Variants in ACVR1C observed in about 807,000 individuals in gnomAD.
The protein encoded by ACVR1C is activin A receptor type 1C, also known as activin receptor type-1C.
Under a neutral mutation model 57.9 loss-of-function variants are expected in ACVR1C, and 23 were observed. That is an observed-to-expected ratio of 0.40 (90% confidence interval 0.29 to 0.56). ACVR1C has a LOEUF of 0.56. ACVR1C is among the 20% of genes least tolerant of loss of function. The probability of loss-of-function intolerance (pLI) is 0.50; values close to 1 mark genes in which losing one functional copy is unlikely to be tolerated. For missense variants in ACVR1C, 480 were observed against 607.9 expected, an observed-to-expected ratio of 0.79 and a Z score of 2.21; for synonymous variants, 214 against 215.3, an observed-to-expected ratio of 0.99 and a Z score of 0.05.
At chr2:157,574,056 C>G (rs905782709) in intron 2 of ACVR1C, among the ~76,000 whole-genome samples, 1 of 152,178 alleles carries the variant, frequency 6.6e-6, no homozygotes, top group Non-Finnish European at 1.5e-5. Context: ...TATTCAGCTT[C>G]GGCCAACTGA....
intron 3 of ACVR1C, among the ~76,000 whole-genome samples, chr2:157,554,255 GAAAGAAAGAAAGA>G (rs1558975043): frequency 1.5e-4 from 18 of 123,766 alleles, no homozygotes; most frequent in Admixed American, 5.7e-4. Flanking sequence ...AAGAAAGAAA[GAAAGAAAGAAAGA>G]AAGGAAGGAA....
chr2:157,556,194 C>A lies in ACVR1C; in HGVS notation c.443G>T (p.Arg148Ile), dbSNP rs766563446. ...GRQCSYRKKK[R>I]PNVEEPLSEC... ...AGAGAGTGGTTCCTCCACATTTGGT[C>A]TCTTTTTCTTCCTGTAGGAGCACTG... The change falls in exon 3 of 9, where the codon AGA becomes ATA. Residue 148 changes from arginine (R) to isoleucine (I), a missense_variant. Transcript: ENST00000243349. 1.2e-6 allele frequency: 2 copies of A among 1,613,958 alleles called. No individual in the cohort carries two copies. Among genetic ancestry groups the A allele is most frequent in the Admixed American group, 1.7e-5 (1 of 59,980 alleles).
At chr2:157,547,650 C>T (rs1293859933) in intron 4 of ACVR1C, among the ~76,000 whole-genome samples, 3 of 137,628 alleles carry the variant, frequency 2.2e-5, no homozygotes, top group Non-Finnish European at 4.7e-5. Context: ...CCTTTGCCCA[C>T]TTTTTGATGG....
chr2:157,596,216 G>C (rs1682105615), intron 1 of ACVR1C, among the ~76,000 whole-genome samples: 1 of 152,004 alleles, frequency 6.6e-6, no homozygotes, highest in African/African-American at 2.4e-5. Flanking sequence ...ATATAGAATA[G>C]AACAGAATAG....
intron 2 of ACVR1C, among the ~76,000 whole-genome samples, chr2:157,565,083 C>G (rs938369186): frequency 2.0e-5 from 3 of 152,016 alleles, no homozygotes; most frequent in African/African-American, 7.3e-5. Flanking sequence ...ATGTAACAAA[C>G]CTGCCCGTTC....
chr2:157,569,494 G>A (rs1688473061), intron 2 of ACVR1C, among the ~76,000 whole-genome samples: 1 of 95,036 alleles, frequency 1.1e-5, no homozygotes, highest in Admixed American at 1.1e-4. Context: ...AAAGAGAGAA[G>A]AATCAAATAG....
intron 2 of ACVR1C, among the ~76,000 whole-genome samples, chr2:157,562,459 AAAAATAAAAT>A (rs145869067): frequency 0.031 from 3,308 of 108,150 alleles, 106 homozygotes; most frequent in African/African-American, 0.077. Flanking sequence ...TACCAACCAA[AAAAATAAAAT>A]AAAATAAAAT....
intron 2 of ACVR1C, among the ~76,000 whole-genome samples, chr2:157,564,253 T>C (rs185703122): frequency 1.2e-3 from 177 of 152,244 alleles, no homozygotes; most frequent in African/African-American, 4.1e-3. Flanking sequence ...TACAAGGAAC[T>C]TAAACAAGTT....
Position 157,542,772 on chromosome 2 carries a change from G to A in ACVR1C, c.1034C>T (p.Ala345Val). The A allele has an allele frequency of 6.2e-7, 1 of 1,614,094 alleles. No individual in the cohort carries two copies. The highest frequency in any genetic ancestry group is 8.5e-7 in the Non-Finnish European group (1 of 1,179,980). ...ETCAIADLGL[A>V]VKHDSILNTI... ...GTTCAGTATTGAATCATGCTTCACA[G>A]CCAACCCTAAGTCCGCTATGGCACA... Residue 345 changes from alanine to valine, a missense_variant, in exon 6 of 9, where the codon GCT (alanine) becomes GTT (valine). By Grantham distance (64) the Ala-to-Val change is moderately conservative. Transcript: ENST00000243349.
intron 2 of ACVR1C, among the ~76,000 whole-genome samples, chr2:157,559,104 G>C (rs1010506419): frequency 2.0e-5 from 3 of 152,164 alleles, no homozygotes; most frequent in Admixed American, 6.5e-5. Flanking sequence ...GCAGAGCTCA[G>C]ATCATCACTA....
At chr2:157,604,721 T>A (rs1034396155) in intron 1 of ACVR1C, among the ~76,000 whole-genome samples, 1 of 151,920 alleles carries the variant, frequency 6.6e-6, no homozygotes, top group African/African-American at 2.4e-5. Context: ...GTTACTTACA[T>A]ATTTTGTCCA....
At chr2:157,549,921 T>C (rs1317282958) in intron 4 of ACVR1C, among the ~76,000 whole-genome samples, 1 of 140,002 alleles carries the variant, frequency 7.1e-6, no homozygotes, top group Non-Finnish European at 1.5e-5. Context: ...GAGAATGGCA[T>C]GAACCCGGGA....
At chr2:157,613,085 G>T (rs1048165786) in intron 1 of ACVR1C, among the ~76,000 whole-genome samples, 10 of 152,208 alleles carry the variant, frequency 6.6e-5, no homozygotes, top group African/African-American at 2.4e-4. Context: ...GATGTGGACT[G>T]CTAAGGGTCT....
intron 1 of ACVR1C, among the ~76,000 whole-genome samples, chr2:157,588,754 G>A (rs964517133): frequency 1.2e-4 from 18 of 149,330 alleles, no homozygotes; most frequent in East Asian, 5.9e-4. Flanking sequence ...ATCAGAAGTC[G>A]CTGCAAGAGA....
intron 1 of ACVR1C, among the ~76,000 whole-genome samples, chr2:157,627,042 T>C (rs1682911021): frequency 6.6e-6 from 1 of 152,208 alleles, no homozygotes; most frequent in Non-Finnish European, 1.5e-5. Flanking sequence ...TTCTAAAGAT[T>C]CTGGGTATAC....
chr2:157,562,463 ATAAAAT>A (rs1370835289), intron 2 of ACVR1C, among the ~76,000 whole-genome samples: 5 of 7,432 alleles, frequency 6.7e-4, no homozygotes, highest in Non-Finnish European at 3.1e-3. Flanking sequence ...AACCAAAAAA[ATAAAAT>A]AAAATAAAAT....
intron 2 of ACVR1C, among the ~76,000 whole-genome samples, chr2:157,573,298 G>A (rs150353373): frequency 1.1e-3 from 172 of 151,994 alleles, no homozygotes; most frequent in East Asian, 9.1e-3. Context: ...TCCTCTTTAC[G>A]CAATTCAGAA....
chr2:157,565,508 C>T (rs751543272), intron 2 of ACVR1C, among the ~76,000 whole-genome samples: 3 of 152,124 alleles, frequency 2.0e-5, no homozygotes, highest in Non-Finnish European at 4.4e-5. Context: ...CTTTTGCAAA[C>T]AGCAAACATA....
rs528883838 is a variant in ACVR1C, at chr2:157,547,195, G to A, written c.776-2583C>T. ...GTATTCCATGGTGTATATGTGCCAC[G>A]TTTTCTTAATCCAGTCTATCATTGT... On this transcript the variant is annotated intron_variant, in intron 4 of 8. Transcript: ENST00000243349. 9.2e-3 allele frequency among the ~76,000 whole-genome samples: 1,165 copies of A among 126,686 alleles called. 10 individuals carry two copies. The highest frequency in any genetic ancestry group is 0.029 in the African/African-American group (982 of 34,032). 83.1% of individuals were successfully genotyped at this position (126,686 alleles called of 152,430 possible).
Sources: gnomAD v4.1 joint callset for allele counts (sites outside exome capture counted in the v4.1 genomes callset) on GRCh38, gnomAD v4.1.1 for gene constraint, MANE v1.5 for transcripts, NCBI Gene and HGNC (gene_info 2026-07-23, HGNC 2026-07-21) for gene names.